Variants in ZBTB20 observed in about 807,000 individuals in gnomAD.
The protein encoded by ZBTB20 is zinc finger and BTB domain-containing protein 20.
In ZBTB20, 9 loss-of-function variants were observed where a neutral mutation model predicts 56.9. That is an observed-to-expected ratio of 0.16 (90% CI 0.10 to 0.28). The LOEUF (loss-of-function observed/expected upper bound fraction) is 0.28, where lower values mean the gene tolerates loss of function less well. ZBTB20 is among the 10% of genes least tolerant of loss of function. ZBTB20 has a pLI of 1.00. For missense variants in ZBTB20, 655 were observed against 1,003.0 expected (o/e 0.65, Z 4.69); for synonymous variants, 417 against 420.7 (o/e 0.99, Z 0.11).
chr3:114,919,594 A>G (rs2075879621), intron 3 of ZBTB20, among the ~76,000 whole-genome samples: 1 of 151,894 alleles, frequency 6.6e-6, no homozygotes, highest in African/African-American at 2.4e-5. Flanking sequence ...AATCCCAGCT[A>G]CTCGGGAGGC....
intron 7 of ZBTB20, among the ~76,000 whole-genome samples, chr3:114,413,544 T>C (rs541782908): frequency 1.3e-5 from 2 of 152,270 alleles, no homozygotes; most frequent in South Asian, 4.1e-4. Flanking sequence ...CCTGTCCCTG[T>C]GATCAGAAAA....
chr3:114,893,250 A>G (rs2076888589), intron 4 of ZBTB20, among the ~76,000 whole-genome samples: 1 of 152,198 alleles, frequency 6.6e-6, no homozygotes, highest in African/African-American at 2.4e-5. Flanking sequence ...TACACTATAC[A>G]GAATTCAGTG....
At chr3:114,431,374 G>A (rs375969011) in intron 7 of ZBTB20, among the ~76,000 whole-genome samples, 24 of 152,254 alleles carry the variant, frequency 1.6e-4, no homozygotes, top group Middle Eastern at 3.4e-3. Flanking sequence ...ATATTGCAGA[G>A]CTTTCTAGCC....
intron 4 of ZBTB20, among the ~76,000 whole-genome samples, chr3:114,854,728 A>C (rs1449863142): frequency 6.6e-6 from 1 of 152,208 alleles, no homozygotes; most frequent in Admixed American, 6.5e-5. Flanking sequence ...CTTGGATTTC[A>C]TCAAATCTCA....
intron 5 of ZBTB20, among the ~76,000 whole-genome samples, chr3:114,693,908 AT>A (rs889513160): frequency 1.9e-4 from 29 of 152,266 alleles, no homozygotes; most frequent in African/African-American, 7.0e-4. Context: ...GTTTAAAAAA[AT>A]AAATCAAACC....
chr3:114,513,857 T>C (rs1312780225), intron 6 of ZBTB20, among the ~76,000 whole-genome samples: 6 of 151,644 alleles, frequency 4.0e-5, no homozygotes, highest in Admixed American at 3.9e-4. Context: ...AGGTTTTCTT[T>C]CTCCTACCTC....
At chr3:114,996,616 A>C (rs1264044380) in intron 2 of ZBTB20, among the ~76,000 whole-genome samples, 1 of 151,976 alleles carries the variant, frequency 6.6e-6, no homozygotes, top group Non-Finnish European at 1.5e-5. Context: ...ATTGATGGGC[A>C]TTTGGGTTGG....
intron 4 of ZBTB20, among the ~76,000 whole-genome samples, chr3:114,813,040 C>A (rs1021566713): frequency 6.6e-6 from 1 of 152,074 alleles, no homozygotes; most frequent in African/African-American, 2.4e-5. Flanking sequence ...CCTCTCCCTC[C>A]ACACCTCCTC....
intron 1 of ZBTB20, among the ~76,000 whole-genome samples, chr3:115,146,063 C>G (rs2084957107): frequency 6.6e-6 from 1 of 152,102 alleles, no homozygotes; most frequent in Non-Finnish European, 1.5e-5. Context: ...ACATGTTCAA[C>G]TTAGGTTTGG....
intron 8 of ZBTB20, among the ~76,000 whole-genome samples, chr3:114,385,647 T>C (rs181256368): frequency 1.8e-4 from 27 of 152,192 alleles, no homozygotes; most frequent in African/African-American, 6.3e-4. Flanking sequence ...GGCGGGCGGA[T>C]CACGAGGTCA....
chr3:114,880,898 G>A (rs1370718461), intron 4 of ZBTB20, among the ~76,000 whole-genome samples: 1 of 152,050 alleles, frequency 6.6e-6, no homozygotes, highest in Non-Finnish European at 1.5e-5. Flanking sequence ...TTTTCTTTAA[G>A]TGGTAATAGT....
chr3:114,384,710 C>A (rs760393003), intron 8 of ZBTB20, among the ~76,000 whole-genome samples: 4 of 152,230 alleles, frequency 2.6e-5, no homozygotes, highest in Non-Finnish European at 5.9e-5. Flanking sequence ...GTGCTGGCCC[C>A]AGCAAGAAGT....
rs1320340045 is a variant in ZBTB20 at position 114,324,619 on chromosome 3, G to A, written c.*14386C>T. On this transcript the variant is annotated 3_prime_UTR_variant, in exon 12 of 12. Coordinates refer to ENST00000675478, the MANE Select transcript of ZBTB20 (RefSeq NM_001348800.3). ...AATAGCTCAGTGACACACTCACACAGAAGTACAATTATTAAATACAAAAGT... is the reference window on the plus strand; with the variant it reads ...AATAGCTCAGTGACACACTCACACAAAAGTACAATTATTAAATACAAAAGT... The A allele has an allele frequency of 6.6e-6, 1 of 151,948 alleles. No individual in the cohort carries two copies. The highest frequency in any genetic ancestry group is 2.4e-5 in the African/African-American group (1 of 41,348). 9.4% of individuals were successfully genotyped at this position (151,948 alleles called of 1,614,324 possible).
chr3:114,949,521 A>G (rs2107900079), intron 3 of ZBTB20, among the ~76,000 whole-genome samples: 1 of 146,356 alleles, frequency 6.8e-6, no homozygotes, highest in South Asian at 2.1e-4. Context: ...TAATCCCAGC[A>G]CTTTGGGAGG....
intron 6 of ZBTB20, among the ~76,000 whole-genome samples, chr3:114,675,281 C>T (rs998447992): frequency 2.2e-5 from 3 of 133,546 alleles, no homozygotes; most frequent in African/African-American, 8.7e-5. Context: ...TTGTAGCTCC[C>T]CTGTCAATGA....
intron 7 of ZBTB20, among the ~76,000 whole-genome samples, chr3:114,442,381 T>C (rs554600391): frequency 1.0e-3 from 152 of 152,292 alleles, no homozygotes; most frequent in African/African-American, 3.2e-3. Flanking sequence ...TGCTACTGTC[T>C]CTCTAGAGGA....
intron 1 of ZBTB20, among the ~76,000 whole-genome samples, chr3:115,143,343 T>C (rs2107356338): frequency 1.3e-5 from 2 of 152,260 alleles, no homozygotes; most frequent in Middle Eastern, 3.4e-3. Flanking sequence ...ATAAACTAAT[T>C]ACAATAAATT....
intron 7 of ZBTB20, among the ~76,000 whole-genome samples, chr3:114,392,548 T>C (rs1320389797): frequency 1.3e-5 from 2 of 152,224 alleles, no homozygotes; most frequent in African/African-American, 2.4e-5. Flanking sequence ...GGTGAAAACA[T>C]GCAGTAATTC....
chr3:115,038,704 G>C (rs997991813), intron 2 of ZBTB20, among the ~76,000 whole-genome samples: 5 of 151,922 alleles, frequency 3.3e-5, no homozygotes, highest in African/African-American at 1.2e-4. Context: ...TTAAAAATCT[G>C]TTGTTGGTAA....
Sources: gnomAD v4.1 joint callset for allele counts (sites outside exome capture counted in the v4.1 genomes callset) on GRCh38, gnomAD v4.1.1 for gene constraint, MANE v1.5 for transcripts, NCBI Gene and HGNC (gene_info 2026-07-23, HGNC 2026-07-21) for gene names.